The following RABEPK variants were observed in gnomAD, a reference collection of about 807,000 sequenced individuals.
The protein encoded by RABEPK is 40 kDa Rab9 effector protein.
A neutral mutation model predicts 34.1 loss-of-function variants in RABEPK; 27 were observed. The ratio of observed to expected loss-of-function variants is 0.79; its 90% CI spans 0.58 to 1.09. The LOEUF (loss-of-function observed/expected upper bound fraction) is 1.09. RABEPK is among the 50% of genes least tolerant of loss of function. The pLI, the probability that RABEPK is intolerant of heterozygous loss-of-function variation, is 0.00. For synonymous variants in RABEPK, 172 were observed against 169.2 expected (o/e 1.02, Z -0.13); for missense variants, 449 against 462.6 (o/e 0.97, Z 0.27).
At chr9:125,217,283 A>G (rs1464058516) in intron 4 of RABEPK, among the ~76,000 whole-genome samples, 1 of 152,228 alleles carries the variant, frequency 6.6e-6, no homozygotes, top group East Asian at 1.9e-4. Flanking sequence ...GGTTTGGCAA[A>G]GGGAAATCAG....
At position 125,232,697 on chromosome 9, in the gene RABEPK, G is replaced by A. The variant is rs1465421418; in HGVS notation, c.778G>A (p.Gly260Arg). The change falls in exon 7 of 8, where the codon GGA becomes AGA. Residue 260 changes from glycine to arginine, a missense_variant. By Grantham distance (125) the Gly-to-Arg change is moderately radical. Coordinates refer to ENST00000373538, the MANE Select transcript of RABEPK (RefSeq NM_005833.4). Reference sequence around the variant, plus strand: ...GGGAAAACATGTGTACATCTTTGGTGGAATGACTCCTGCAGGAGCACTGGA... The same window carrying A: ...GGGAAAACATGTGTACATCTTTGGTAGAATGACTCCTGCAGGAGCACTGGA... ...AMGKHVYIFG[G>R]MTPAGALDTM... 1.9e-6 allele frequency: 3 copies of A among 1,613,942 alleles called. No individual in the cohort carries two copies. The highest frequency in any genetic ancestry group is 1.1e-5 in the South Asian group (1 of 91,054).
intron 3 of RABEPK, among the ~76,000 whole-genome samples, chr9:125,208,921 C>G (rs1439426515): frequency 6.6e-6 from 1 of 152,102 alleles, no homozygotes; most frequent in Non-Finnish European, 1.5e-5. Context: ...ACTAGACTTA[C>G]AAGAGCCTCC....
chr9:125,225,105 CTG>C (rs1831640816), intron 5 of RABEPK, among the ~76,000 whole-genome samples: 1 of 152,076 alleles, frequency 6.6e-6, no homozygotes, highest in African/African-American at 2.4e-5. Context: ...AATAATAAGA[CTG>C]GGTGTGGTGG....
chr9:125,203,990 C>T (rs1440963482), intron 2 of RABEPK, among the ~76,000 whole-genome samples: 1 of 141,728 alleles, frequency 7.1e-6, no homozygotes, highest in East Asian at 2.2e-4. Context: ...TGAGATCATG[C>T]CACTGTACTC....
chr9:125,201,770 C>A (rs546091772), intron 1 of RABEPK, among the ~76,000 whole-genome samples: 4 of 151,888 alleles, frequency 2.6e-5, no homozygotes, highest in East Asian at 3.9e-4. Flanking sequence ...TGGGCCACAA[C>A]GCCCAGCTAA....
At chr9:125,207,756 G>C (rs1284873466) in intron 3 of RABEPK, 35 bp downstream of exon 3, 1 of 1,610,926 alleles carries the variant, frequency 6.2e-7, no homozygotes, top group Non-Finnish European at 8.5e-7. Flanking sequence ...ATGCCCTATG[G>C]CCAGAGAACA....
rs1470840564 is a variant in RABEPK, at chr9:125,233,698, T to C, written c.837T>C (p.His279=). 4 of 1,613,546 alleles carry C rather than the reference T, an allele frequency of 2.5e-6. No individual in the cohort carries two copies. Among genetic ancestry groups the C allele is most frequent in the Non-Finnish European group, 2.5e-6 (3 of 1,179,724 alleles). The change falls in exon 8 of 8, where the codon CAT becomes CAC. Residue 279 remains histidine, a synonymous_variant. Coordinates refer to ENST00000373538, the MANE Select transcript of RABEPK (RefSeq NM_005833.4). ...CCCTCCCCAACATAGAAGAGCAGCA[T>C]TGGACCTTGCTTAAATTTGATACTC... ...TMYQYHTEEQ[H]WTLLKFDTLL...
At chr9:125,233,260 T>A (rs1306178456) in intron 7 of RABEPK, among the ~76,000 whole-genome samples, 1 of 151,548 alleles carries the variant, frequency 6.6e-6, no homozygotes, top group Non-Finnish European at 1.5e-5. Flanking sequence ...AGTAAATCAC[T>A]GAGCATTTCT....
At chr9:125,232,831 A>G in intron 7 of RABEPK, 86 bp downstream of exon 7, 1 of 1,387,518 alleles carries the variant, frequency 7.2e-7, no homozygotes, top group Non-Finnish European at 9.7e-7. Context: ...TAATCCCAGC[A>G]CTTTGGGAGG....
At chr9:125,214,149 T>TG (rs535737563) in intron 4 of RABEPK, among the ~76,000 whole-genome samples, 107 of 151,836 alleles carry the variant, frequency 7.0e-4, no homozygotes, top group African/African-American at 2.5e-3. Flanking sequence ...AAAAAAAAAT[T>TG]TTTTTAAAAA....
chr9:125,202,948 T>C, intron 1 of RABEPK, 60 bp from the exon 2 acceptor site: 1 of 1,383,424 alleles, frequency 7.2e-7, no homozygotes, highest in Non-Finnish European at 1.0e-6. Flanking sequence ...AAAAGGAGGT[T>C]GAATTGATTA....
chr9:125,210,882 G>C (rs897645270), intron 3 of RABEPK, among the ~76,000 whole-genome samples: 2 of 145,932 alleles, frequency 1.4e-5, no homozygotes, highest in East Asian at 4.3e-4. Flanking sequence ...CTGTCACCCA[G>C]GCTGGAGTGC....
intron 5 of RABEPK, among the ~76,000 whole-genome samples, chr9:125,223,520 C>T (rs993601557): frequency 7.2e-5 from 11 of 151,866 alleles, no homozygotes; most frequent in African/African-American, 2.7e-4. Context: ...AATAATTAAA[C>T]CTGCTCATGG....
intron 1 of RABEPK, among the ~76,000 whole-genome samples, chr9:125,201,899 A>G (rs1470819115): frequency 3.4e-5 from 5 of 146,036 alleles, no homozygotes; most frequent in Non-Finnish European, 6.0e-5. Context: ...GGCGTGAGCC[A>G]CTGCTCCCAG....
chr9:125,219,349 C>T (rs1478483898), intron 4 of RABEPK, among the ~76,000 whole-genome samples: 1 of 149,578 alleles, frequency 6.7e-6, no homozygotes, highest in African/African-American at 2.5e-5. Flanking sequence ...GGCCTTACAG[C>T]CACTGTGCTC....
rs1832421325 is a variant in RABEPK at position 125,234,081 on chromosome 9, T to C, written c.*101T>C. ...AAATATCTTCTGCATTATATATCTG[T>C]TTTTCTCCTACTTTGGTAGGTGAAG... On this transcript the variant is annotated 3_prime_UTR_variant, in exon 8 of 8. Transcript: ENST00000373538. The C allele has an allele frequency of 8.3e-7, 1 of 1,209,470 alleles. No homozygotes were observed. Among genetic ancestry groups the C allele is most frequent in the Non-Finnish European group, 1.2e-6 (1 of 855,200 alleles). 74.9% of individuals were successfully genotyped at this position (1,209,470 alleles called of 1,614,324 possible).
chr9:125,219,794 A>G (rs1831197936), intron 4 of RABEPK, among the ~76,000 whole-genome samples: 2 of 151,964 alleles, frequency 1.3e-5, no homozygotes, highest in Admixed American at 1.3e-4. Flanking sequence ...GATTTCCCAA[A>G]CTGCTGAGGT....
At chr9:125,201,388 C>T (rs921835047) in intron 1 of RABEPK, among the ~76,000 whole-genome samples, 5 of 152,164 alleles carry the variant, frequency 3.3e-5, no homozygotes, top group Non-Finnish European at 4.4e-5. Flanking sequence ...GGTGAGTTCA[C>T]GGGAAAAAAG....
chr9:125,208,554 T>C (rs1830391522), intron 3 of RABEPK, among the ~76,000 whole-genome samples: 1 of 151,156 alleles, frequency 6.6e-6, no homozygotes. Context: ...TTTTTTTTTT[T>C]AGACGGAGTC....
Sources: allele counts gnomAD v4.1 joint callset (sites outside exome capture counted in the v4.1 genomes callset), GRCh38; gene constraint gnomAD v4.1.1; transcripts MANE v1.5; gene names NCBI Gene and HGNC (gene_info 2026-07-23, HGNC 2026-07-21).